The following TAFA1 variants were observed in gnomAD, a reference collection of about 807,000 sequenced individuals.
The protein encoded by TAFA1 is chemokine-like protein TAFA-1.
TAFA1 carries 4 observed loss-of-function variants against 18.5 expected under a neutral mutation model. The ratio of observed to expected loss-of-function variants is 0.22; its 90% CI spans 0.11 to 0.49. The LOEUF (loss-of-function observed/expected upper bound fraction) is 0.49, where lower values mean the gene tolerates loss of function less well. Ranked by LOEUF, TAFA1 falls within the 20% of genes least tolerant of loss-of-function variation. The pLI is 0.98. For synonymous variants in TAFA1, 56 were observed against 55.2 expected, an observed-to-expected ratio of 1.01 and a Z score of -0.06; for missense variants, 147 against 169.0, an observed-to-expected ratio of 0.87 and a Z score of 0.72.
intron 2 of TAFA1, among the ~76,000 whole-genome samples, chr3:68,366,698 C>A (rs1461977548): frequency 1.3e-5 from 2 of 152,158 alleles, no homozygotes; most frequent in Non-Finnish European, 2.9e-5. Context: ...TTGAACTTTT[C>A]TAAGCATAAA....
At chr3:68,123,574 G>T (rs960396617) in intron 2 of TAFA1, among the ~76,000 whole-genome samples, 2 of 152,084 alleles carry the variant, frequency 1.3e-5, no homozygotes, top group Non-Finnish European at 2.9e-5. Flanking sequence ...AAAAGAGATG[G>T]TCTGCCCTTG....
intron 3 of TAFA1, among the ~76,000 whole-genome samples, chr3:68,498,058 A>C (rs1404779019): frequency 6.6e-6 from 1 of 152,150 alleles, no homozygotes; most frequent in African/African-American, 2.4e-5. Flanking sequence ...TTCTTTACCA[A>C]CGTAGCTTGA....
intron 3 of TAFA1, among the ~76,000 whole-genome samples, chr3:68,533,577 T>G (rs1480873232): frequency 6.6e-6 from 1 of 152,152 alleles, no homozygotes; most frequent in African/African-American, 2.4e-5. Flanking sequence ...AAAGTATGGA[T>G]TCGCCTTGTG....
intron 2 of TAFA1, among the ~76,000 whole-genome samples, chr3:68,249,028 G>A (rs1002795771): frequency 6.6e-6 from 1 of 152,148 alleles, no homozygotes; most frequent in South Asian, 2.1e-4. Flanking sequence ...CTTATTTGCT[G>A]GCTCTGGGTC....
chr3:68,499,461 T>C (rs1052731778), intron 3 of TAFA1, among the ~76,000 whole-genome samples: 3 of 148,520 alleles, frequency 2.0e-5, no homozygotes, highest in Non-Finnish European at 4.5e-5. Context: ...TTTTTTTTTT[T>C]TTTGAGAAGA....
At chr3:68,291,168 T>A (rs2068099338) in intron 2 of TAFA1, among the ~76,000 whole-genome samples, 1 of 152,168 alleles carries the variant, frequency 6.6e-6, no homozygotes, top group African/African-American at 2.4e-5. Context: ...GGACTCAATA[T>A]ATAGGTGTTG....
At chr3:68,112,641 T>C (rs2106839951) in intron 2 of TAFA1, among the ~76,000 whole-genome samples, 1 of 152,144 alleles carries the variant, frequency 6.6e-6, no homozygotes, top group African/African-American at 2.4e-5. Context: ...AGTTCAGTAA[T>C]GCAAGAAAAA....
At chr3:68,417,599 T>G (rs1399961653) in intron 3 of TAFA1, 179 bp downstream of exon 3, 16 of 620,540 alleles carry the variant, frequency 2.6e-5, no homozygotes, top group Admixed American at 2.5e-4. Context: ...TGCTATTATT[T>G]GAATGTTTTT....
chr3:68,396,591 T>C (rs563268299), intron 2 of TAFA1, among the ~76,000 whole-genome samples: 1 of 152,332 alleles, frequency 6.6e-6, no homozygotes, highest in South Asian at 2.1e-4. Context: ...TGCAGTAACA[T>C]ACCACAATTT....
intron 2 of TAFA1, among the ~76,000 whole-genome samples, chr3:68,065,829 T>C (rs2064669979): frequency 6.6e-6 from 1 of 151,310 alleles, no homozygotes; most frequent in Non-Finnish European, 1.5e-5. Context: ...TTTTATTAGC[T>C]AAAAATTGAA....
chr3:68,284,426 T>A (rs1046002777), intron 2 of TAFA1, among the ~76,000 whole-genome samples: 1 of 152,196 alleles, frequency 6.6e-6, no homozygotes, highest in African/African-American at 2.4e-5. Context: ...TAAAAAAAAC[T>A]TTTTGGCAAT....
intron 2 of TAFA1, among the ~76,000 whole-genome samples, chr3:68,189,768 C>T (rs912220794): frequency 6.6e-6 from 1 of 151,930 alleles, no homozygotes; most frequent in East Asian, 1.9e-4. Flanking sequence ...TCATAGGCTG[C>T]TTCAAATATA....
intron 2 of TAFA1, chr3:68,145,380 C>T (rs1029419530): frequency 2.4e-6 from 2 of 829,440 alleles, no homozygotes; most frequent in Admixed American, 1.7e-5. Flanking sequence ...CAAGCATATA[C>T]TTCAATCATC....
chr3:68,298,103 G>C (rs1165822401), intron 2 of TAFA1, among the ~76,000 whole-genome samples: 1 of 152,166 alleles, frequency 6.6e-6, no homozygotes, highest in Non-Finnish European at 1.5e-5. Flanking sequence ...CCATTAGGCA[G>C]AGGAAATGTC....
At chr3:68,531,710 A>G (rs1392634933) in intron 3 of TAFA1, among the ~76,000 whole-genome samples, 2 of 152,150 alleles carry the variant, frequency 1.3e-5, no homozygotes, top group South Asian at 4.2e-4. Flanking sequence ...GGTGTTTTCT[A>G]TCTGTTGGGA....
intron 2 of TAFA1, among the ~76,000 whole-genome samples, chr3:68,376,765 A>G (rs1291464374): frequency 6.6e-6 from 1 of 152,184 alleles, no homozygotes; most frequent in East Asian, 1.9e-4. Context: ...CTTTGGGTAT[A>G]TACCCAGTGA....
At chr3:68,416,202 T>C (rs1391897718) in intron 2 of TAFA1, among the ~76,000 whole-genome samples, 1 of 152,210 alleles carries the variant, frequency 6.6e-6, no homozygotes. Context: ...GAGGACAGGA[T>C]GAAAGGATGA....
At chr3:68,439,772 G>A (rs77468963) in intron 3 of TAFA1, among the ~76,000 whole-genome samples, 5,898 of 151,764 alleles carry the variant, frequency 0.039, 154 homozygotes, top group East Asian at 0.088. Flanking sequence ...AGACACACCC[G>A]GGATCGATAC....
chr3:68,461,314 C>CAAAA (rs1223571545), intron 3 of TAFA1, among the ~76,000 whole-genome samples: 3 of 145,770 alleles, frequency 2.1e-5, no homozygotes, highest in Non-Finnish European at 4.5e-5. Flanking sequence ...AACAAACAAA[C>CAAAA]AAACCTGGCC....
Sources: gnomAD v4.1 joint callset for allele counts (sites outside exome capture counted in the v4.1 genomes callset) on GRCh38, gnomAD v4.1.1 for gene constraint, MANE v1.5 for transcripts, NCBI Gene and HGNC (gene_info 2026-07-23, HGNC 2026-07-21) for gene names.